The following PTPRG variants were observed in gnomAD, a reference collection of about 807,000 sequenced individuals.
The protein encoded by PTPRG is protein tyrosine phosphatase receptor type G, also known as receptor-type tyrosine-protein phosphatase gamma.
PTPRG carries 102 observed loss-of-function variants against 165.3 expected under a neutral mutation model. That is an observed-to-expected ratio of 0.62 (90% CI 0.53 to 0.73). The LOEUF is 0.73. Among genes scored for constraint, PTPRG ranks in the 30% least tolerant of loss-of-function variants. The pLI, the probability that PTPRG is intolerant of heterozygous loss-of-function variation, is 0.00. For missense variants in PTPRG, 1,866 were observed against 1,861.4 expected (o/e 1.00, Z -0.05); for synonymous variants, 675 against 669.5 (o/e 1.01, Z -0.13).
At chr3:61,612,206 A>G (rs1198169355) in intron 1 of PTPRG, among the ~76,000 whole-genome samples, 2 of 152,184 alleles carry the variant, frequency 1.3e-5, no homozygotes, top group Non-Finnish European at 2.9e-5. Context: ...GCCTAATCCC[A>G]AAGTGCTGGG....
intron 5 of PTPRG, among the ~76,000 whole-genome samples, chr3:62,085,379 A>G (rs1701719064): frequency 6.6e-6 from 1 of 152,174 alleles, no homozygotes; most frequent in Admixed American, 6.5e-5. Flanking sequence ...CTGGGGCTCC[A>G]TTGGATCAAA....
At chr3:62,236,173 A>G (rs1182630681) in intron 14 of PTPRG, among the ~76,000 whole-genome samples, 1 of 152,220 alleles carries the variant, frequency 6.6e-6, no homozygotes, top group African/African-American at 2.4e-5. Context: ...AAAAATCTCA[A>G]CTTAGAACTT....
At chr3:61,656,329 A>G (rs1011815922) in intron 1 of PTPRG, among the ~76,000 whole-genome samples, 3 of 152,208 alleles carry the variant, frequency 2.0e-5, no homozygotes, top group Non-Finnish European at 2.9e-5. Context: ...GTGACACAGA[A>G]GTGGTCTCTG....
intron 1 of PTPRG, among the ~76,000 whole-genome samples, chr3:61,699,730 A>G (rs1016067470): frequency 6.6e-6 from 1 of 152,170 alleles, no homozygotes; most frequent in African/African-American, 2.4e-5. Context: ...GAGTTTTACT[A>G]CTGTGGAGAA....
rs536181462 is a variant in PTPRG, at chr3:61,691,854, A to G, written c.86-57024A>G. ...CCTAAGGTCTGAGAGGCACAGTATAATCATGTTAAATAAAGAGGACTTACA... is the reference window on the plus strand; with the variant it reads ...CCTAAGGTCTGAGAGGCACAGTATAGTCATGTTAAATAAAGAGGACTTACA... On this transcript the variant is annotated intron_variant, in intron 1 of 29. Coordinates refer to ENST00000474889, the MANE Select transcript of PTPRG (RefSeq NM_002841.4). Among the ~76,000 whole-genome samples the G allele has an allele frequency of 3.5e-4, 47 of 133,732 alleles. 1 individual carries two copies. In the Middle Eastern group the frequency reaches 0.039, roughly 111 times the overall value. 87.7% of individuals were successfully genotyped at this position (133,732 alleles called of 152,430 possible).
chr3:62,255,683 A>G lies in PTPRG; in HGVS notation c.2559+468A>G, dbSNP rs921089214. 1.3e-5 allele frequency among the ~76,000 whole-genome samples: 2 copies of G among 152,144 alleles called. No homozygotes were observed. The highest frequency in any genetic ancestry group is 2.9e-5 in the Non-Finnish European group (2 of 68,030). ...CTCATCTCGGATCCCCAGTTTTCCC[A>G]TTTTTGAAAAATGGCACCAATGTCA... On this transcript the variant is annotated intron_variant, in intron 16 of 29. Transcript: ENST00000474889. This position sits in a 1 kb window ranked among gnomAD's most constrained non-coding sequence, Gnocchi z 4.0.
At chr3:62,029,800 T>G (rs1411306250) in intron 4 of PTPRG, among the ~76,000 whole-genome samples, 1 of 152,230 alleles carries the variant, frequency 6.6e-6, no homozygotes, top group East Asian at 1.9e-4. Context: ...TATTTTAAAC[T>G]TTATATTATA....
intron 13 of PTPRG, among the ~76,000 whole-genome samples, chr3:62,221,969 T>G (rs543929276): frequency 1.3e-5 from 2 of 152,348 alleles, no homozygotes; most frequent in African/African-American, 4.8e-5. Flanking sequence ...GCCAAGCACT[T>G]GGGTGGCACC....
At chr3:61,626,060 G>A (rs1376642494) in intron 1 of PTPRG, among the ~76,000 whole-genome samples, 1 of 151,076 alleles carries the variant, frequency 6.6e-6, no homozygotes, top group Non-Finnish European at 1.5e-5. Flanking sequence ...GCGACATTAT[G>A]TGTTTGTAGG....
At chr3:61,575,233 A>G (rs1700148103) in intron 1 of PTPRG, among the ~76,000 whole-genome samples, 1 of 152,110 alleles carries the variant, frequency 6.6e-6, no homozygotes, top group African/African-American at 2.4e-5. Context: ...AGTGGAGGTA[A>G]AATTGATTTC....
intron 2 of PTPRG, among the ~76,000 whole-genome samples, chr3:61,789,824 C>A (rs2107121653): frequency 6.6e-6 from 1 of 152,284 alleles, no homozygotes; most frequent in Admixed American, 6.5e-5. Flanking sequence ...TTATTTGAGG[C>A]TTCTGTTGTA....
intron 2 of PTPRG, among the ~76,000 whole-genome samples, chr3:61,779,516 C>G (rs961024743): frequency 7.2e-5 from 11 of 151,986 alleles, no homozygotes; most frequent in African/African-American, 2.7e-4. Flanking sequence ...TAAGGTGAGC[C>G]TTTTTTTGCA....
intron 5 of PTPRG, among the ~76,000 whole-genome samples, chr3:62,107,354 T>G (rs567196804): frequency 1.3e-5 from 2 of 152,360 alleles, no homozygotes; most frequent in South Asian, 4.1e-4. Context: ...AGGAAGCTTC[T>G]GGGCTATTAA....
At chr3:62,022,341 CTTT>C (rs1196727093) in intron 4 of PTPRG, among the ~76,000 whole-genome samples, 1 of 152,168 alleles carries the variant, frequency 6.6e-6, no homozygotes, top group Non-Finnish European at 1.5e-5. Context: ...AATGTCTGAT[CTTT>C]TAGTTAAATC....
chr3:61,654,757 CAAAGG>C (rs940665759), intron 1 of PTPRG, among the ~76,000 whole-genome samples: 2 of 145,444 alleles, frequency 1.4e-5, no homozygotes, highest in Non-Finnish European at 3.0e-5. Context: ...ATGCTGCTGA[CAAAGG>C]AAGGCTACCT....
At chr3:62,081,273 C>A (rs370620675) in intron 5 of PTPRG, among the ~76,000 whole-genome samples, 12,316 of 100,518 alleles carry the variant, frequency 0.12, 2,604 homozygotes, top group African/African-American at 0.4. Context: ...AACAAACAAA[C>A]AAACAAACAA....
chr3:61,606,483 C>A (rs1448447923), intron 1 of PTPRG, among the ~76,000 whole-genome samples: 1 of 152,206 alleles, frequency 6.6e-6, no homozygotes, highest in Non-Finnish European at 1.5e-5. Context: ...TCTGCAATAT[C>A]CCTAACTCCT....
intron 2 of PTPRG, among the ~76,000 whole-genome samples, chr3:61,842,065 A>G (rs1273291562): frequency 1.3e-5 from 2 of 152,200 alleles, no homozygotes; most frequent in African/African-American, 4.8e-5. Flanking sequence ...ATAGGATTGC[A>G]ATTTCTAGTT....
At chr3:61,931,696 T>C (rs1343001200) in intron 2 of PTPRG, among the ~76,000 whole-genome samples, 1 of 152,202 alleles carries the variant, frequency 6.6e-6, no homozygotes, top group Non-Finnish European at 1.5e-5. Flanking sequence ...GTTTACTTTC[T>C]GGTGGCTTCA....
Sources: gnomAD v4.1 joint callset for allele counts (sites outside exome capture counted in the v4.1 genomes callset) on GRCh38, gnomAD v4.1.1 for gene constraint, Gnocchi (gnomAD v3.1) non-coding constraint, MANE v1.5 for transcripts, NCBI Gene and HGNC (gene_info 2026-07-23, HGNC 2026-07-21) for gene names.